PPP2R2D: variants seen among roughly 807,000 people sequenced by gnomAD.
PPP2R2D encodes protein phosphatase 2 regulatory subunit Bdelta, also known as serine/threonine-protein phosphatase 2A 55 kDa regulatory subunit B delta isoform.
PPP2R2D carries 9 observed loss-of-function variants against 31.1 expected under a neutral mutation model. The ratio of observed to expected loss-of-function variants is 0.29; its 90% CI spans 0.17 to 0.51. The LOEUF (loss-of-function observed/expected upper bound fraction) is 0.51. PPP2R2D is among the 20% of genes least tolerant of loss of function. PPP2R2D has a pLI of 0.98. For synonymous variants in PPP2R2D, 179 were observed against 172.6 expected (o/e 1.04, Z -0.29); for missense variants, 391 against 465.6 (o/e 0.84, Z 1.48).
At position 131,940,839 on chromosome 10, in the gene PPP2R2D, CAT is replaced by C. The variant is rs202172531; in HGVS notation, c.477+146_477+147del. 1,789 of 548,434 alleles carry C rather than the reference CAT, an allele frequency of 3.3e-3. 2 individuals are homozygous for C. The highest frequency in any genetic ancestry group is 5.5e-3 in the African/African-American group (289 of 52,404). 34.0% of individuals were successfully genotyped at this position (548,434 alleles called of 1,614,324 possible). ...GTGATTCCTGAAAGTCGTTTGCACT[CAT>C]GTGTGTGTTTAAAAGCAAGGTCTTT... On this transcript the variant is annotated intron_variant, in intron 5 of 8. Transcript: ENST00000455566.
At chr10:131,960,136 G>T (rs1356287559), downstream of PPP2R2D, among the ~76,000 whole-genome samples, 1 of 152,250 alleles carries the variant, frequency 6.6e-6, no homozygotes, top group Non-Finnish European at 1.5e-5. Flanking sequence ...TCTGAGAGGC[G>T]CTGGCAATTC....
At chr10:131,908,036 A>G (rs2035625270) in intron 2 of PPP2R2D, among the ~76,000 whole-genome samples, 1 of 152,202 alleles carries the variant, frequency 6.6e-6, no homozygotes, top group Non-Finnish European at 1.5e-5. Context: ...AAGATCAAAC[A>G]ATGTGCAGTG....
downstream of PPP2R2D, among the ~76,000 whole-genome samples, chr10:131,962,571 T>A (rs1305468387): frequency 1.3e-5 from 2 of 152,220 alleles, no homozygotes; most frequent in Non-Finnish European, 2.9e-5. Context: ...CTTGGACGTT[T>A]CTAACAGGCT....
At chr10:131,921,539 C>G (rs1554894249) in intron 2 of PPP2R2D, among the ~76,000 whole-genome samples, 1 of 152,090 alleles carries the variant, frequency 6.6e-6, no homozygotes, top group African/African-American at 2.4e-5. Flanking sequence ...GAGGACTTGA[C>G]ATGGGAGAAG....
At chr10:131,955,533 C>A in intron 8 of PPP2R2D, 151 bp from the exon 9 acceptor site, 1 of 542,680 alleles carries the variant, frequency 1.8e-6, no homozygotes, top group Non-Finnish European at 2.8e-6. Context: ...CATTTCTCTT[C>A]TGCCCATTGT....
chr10:131,928,996 G>A (rs1475100548), intron 2 of PPP2R2D, among the ~76,000 whole-genome samples: 9 of 152,296 alleles, frequency 5.9e-5, no homozygotes, highest in African/African-American at 1.9e-4. Flanking sequence ...TACAACAGGC[G>A]CCTCTGTCCT....
At chr10:131,901,978 C>T (rs1447528690) in intron 2 of PPP2R2D, among the ~76,000 whole-genome samples, 6 of 152,180 alleles carry the variant, frequency 3.9e-5, no homozygotes, top group African/African-American at 1.2e-4. Flanking sequence ...CATGGTATTA[C>T]TTGAAGTTCA....
At chr10:131,922,465 T>C (rs1370704999) in intron 2 of PPP2R2D, among the ~76,000 whole-genome samples, 1 of 151,836 alleles carries the variant, frequency 6.6e-6, no homozygotes, top group Non-Finnish European at 1.5e-5. Flanking sequence ...TTTTTTTTTT[T>C]TTTTTGAGAC....
chr10:131,934,909 C>T (rs923110944), intron 3 of PPP2R2D: 7 of 458,708 alleles, frequency 1.5e-5, no homozygotes, highest in Admixed American at 9.4e-5. Context: ...GGCCCAGCCC[C>T]GCCGTCCTGC....
intron 2 of PPP2R2D, among the ~76,000 whole-genome samples, chr10:131,919,759 AG>A (rs1378144362): frequency 9.6e-6 from 1 of 103,768 alleles, no homozygotes; most frequent in East Asian, 4.1e-4. Flanking sequence ...GTGGAATGAC[AG>A]AGTGTAGGGA....
At chr10:131,921,294 T>TC (rs1264863815) in intron 2 of PPP2R2D, among the ~76,000 whole-genome samples, 1 of 152,200 alleles carries the variant, frequency 6.6e-6, no homozygotes, top group Non-Finnish European at 1.5e-5. Context: ...CGGGGGAATG[T>TC]CCCAGCCTCA....
rs947142531 is a variant in PPP2R2D at position 131,903,815 on chromosome 10, G to T, written c.100+2485G>T. 4.5e-3 allele frequency among the ~76,000 whole-genome samples: 685 copies of T among 152,334 alleles called. 4 individuals are homozygous for T. Among genetic ancestry groups the T allele is most frequent in the African/African-American group, 0.016 (658 of 41,574 alleles). On this transcript the variant is annotated intron_variant, in intron 2 of 8. Transcript: ENST00000455566. ...AGAGAGTCAGTGATGATGAAGGGAAGTGTAGTCGTTAGTCACCAGGGATTG... is the reference window on the plus strand; with the variant it reads ...AGAGAGTCAGTGATGATGAAGGGAATTGTAGTCGTTAGTCACCAGGGATTG...
At chr10:131,970,671 A>G in the PPP2R2D span, 2 of 1,614,190 alleles carry the variant, frequency 1.2e-6, no homozygotes, top group South Asian at 1.1e-5. The surrounding 1 kb of genome is among the most constrained non-coding windows in gnomAD (Gnocchi z 4.1). Flanking sequence ...AGAGAGCAGC[A>G]GAGATGGAAG....
At chr10:131,946,405 T>C (rs782327185) in intron 7 of PPP2R2D, among the ~76,000 whole-genome samples, 22 of 151,862 alleles carry the variant, frequency 1.4e-4, no homozygotes, top group Non-Finnish European at 2.9e-4. Flanking sequence ...CGCCAGTCAA[T>C]CCCACCAGAC....
chr10:131,951,460 A>G (rs1233645800), intron 8 of PPP2R2D, among the ~76,000 whole-genome samples: 3 of 152,240 alleles, frequency 2.0e-5, no homozygotes, highest in African/African-American at 7.2e-5. Context: ...AAGAAAATTC[A>G]GGAGGAATGC....
chr10:131,902,315 A>G (rs1231184285), intron 2 of PPP2R2D, among the ~76,000 whole-genome samples: 5 of 152,150 alleles, frequency 3.3e-5, no homozygotes, highest in Non-Finnish European at 7.4e-5. Flanking sequence ...TCAAGTTACT[A>G]AAAGCCCCTT....
At chr10:131,966,865 G>GTAC in the PPP2R2D span, 1 of 146,790 alleles carries the variant, frequency 6.8e-6, no homozygotes. Context: ...CCAGAGCTTA[G>GTAC]TACCTCCAAC....
chr10:131,902,182 A>G (rs909568516), intron 2 of PPP2R2D, among the ~76,000 whole-genome samples: 18 of 152,246 alleles, frequency 1.2e-4, no homozygotes, highest in African/African-American at 3.4e-4. Context: ...AGTTTGATTA[A>G]TATTTCAGAT....
In PPP2R2D at chr10:131,930,223, A is replaced by ATT. The variant is rs61669929; in HGVS notation, c.101-4225_101-4224dup. On this transcript the variant is annotated intron_variant, in intron 2 of 8. Transcript: ENST00000455566. Reference sequence around the variant, plus strand: ...GCTTAGTTATCTGTGTCTTTAGTGCATTTTTTTTTTTAGCAAACACTTCAA... The same window carrying ATT: ...GCTTAGTTATCTGTGTCTTTAGTGCATTTTTTTTTTTTTAGCAAACACTTCAA... Among the ~76,000 whole-genome samples the ATT allele has an allele frequency of 2.3e-4, 34 of 146,020 alleles. 1 individual carries two copies. The highest frequency in any genetic ancestry group is 4.5e-4 in the Non-Finnish European group (30 of 66,126).
Sources: allele counts gnomAD v4.1 joint callset (sites outside exome capture counted in the v4.1 genomes callset), GRCh38; gene constraint gnomAD v4.1.1; non-coding constraint Gnocchi (gnomAD v3.1); transcripts MANE v1.5; gene names NCBI Gene and HGNC (gene_info 2026-07-23, HGNC 2026-07-21).